The following GTF2I variants were observed in gnomAD, a reference collection of about 807,000 sequenced individuals.
GTF2I encodes the protein general transcription factor II-I.
Under a neutral mutation model 67.6 loss-of-function variants are expected in GTF2I, and 12 were observed. The observed-to-expected ratio is 0.18, with a 90% CI of 0.11 to 0.29. The LOEUF (loss-of-function observed/expected upper bound fraction) is 0.29, where lower values mean the gene tolerates loss of function less well. GTF2I is among the 10% of genes least tolerant of loss of function. GTF2I has a pLI of 1.00. For synonymous variants in GTF2I, 149 were observed against 197.0 expected (o/e 0.76, Z 2.04); for missense variants, 271 against 580.1 (o/e 0.47, Z 5.47).
chr7:74,725,347 T>C (rs1793616988), intron 12 of GTF2I, among the ~76,000 whole-genome samples: 1 of 152,176 alleles, frequency 6.6e-6, no homozygotes, highest in African/African-American at 2.4e-5. Context: ...AATAAGTTTA[T>C]GAAACAGGGT....
At chr7:74,704,268 T>A (rs917754953) in intron 6 of GTF2I, among the ~76,000 whole-genome samples, 2 of 144,310 alleles carry the variant, frequency 1.4e-5, no homozygotes, top group African/African-American at 5.1e-5. Flanking sequence ...TAATTATTAT[T>A]TTTATTTATT....
chr7:74,666,811 C>CAAAAAA (rs61609037), intron 1 of GTF2I, among the ~76,000 whole-genome samples: 22 of 129,154 alleles, frequency 1.7e-4, no homozygotes, highest in Non-Finnish European at 2.3e-4. Flanking sequence ...ACTAAAAATA[C>CAAAAAA]AAAAAAAAAA....
At chr7:74,696,521 C>T (rs1788929428) in intron 3 of GTF2I, among the ~76,000 whole-genome samples, 1 of 149,076 alleles carries the variant, frequency 6.7e-6, no homozygotes, top group South Asian at 2.1e-4. Flanking sequence ...GAGACGGAGT[C>T]TCGCTCTGTC....
intron 12 of GTF2I, among the ~76,000 whole-genome samples, chr7:74,724,553 G>C (rs1359371399): frequency 2.6e-5 from 4 of 152,188 alleles, no homozygotes; most frequent in Admixed American, 2.0e-4. Flanking sequence ...TTGCCAACTT[G>C]AAGGTATTGG....
At chr7:74,713,294 T>C (rs1198461806) in intron 9 of GTF2I, among the ~76,000 whole-genome samples, 1 of 152,196 alleles carries the variant, frequency 6.6e-6, no homozygotes, top group Non-Finnish European at 1.5e-5. Context: ...TTAGTTTGTA[T>C]GTGCCTAACT....
At chr7:74,712,940 C>A (rs1791801832) in intron 9 of GTF2I, among the ~76,000 whole-genome samples, 1 of 152,074 alleles carries the variant, frequency 6.6e-6, no homozygotes, top group African/African-American at 2.4e-5. Context: ...GGATATATTT[C>A]TCTGTGCACC....
In GTF2I at chr7:74,692,349, C is replaced by T. The variant is rs140253908; in HGVS notation, c.238+1238C>T. ...CCTCCCAAAGTGCTGGGATTACAGG[C>T]GTGAGCCACCACATCCGGCCGGGAG... On this transcript the variant is annotated intron_variant, in intron 3 of 34. Coordinates refer to ENST00000573035, the MANE Select transcript of GTF2I (RefSeq NM_032999.4). Among the ~76,000 whole-genome samples, 19 of 152,272 alleles carry T rather than the reference C, an allele frequency of 1.2e-4. No individual in the cohort carries two copies. In the East Asian group the frequency reaches 2.1e-3, roughly 17 times the overall value.
In GTF2I at chr7:74,710,940, G is replaced by A. The variant is rs1554402396; in HGVS notation, c.686-92G>A. On this transcript the variant is annotated intron_variant, in intron 8 of 34. Transcript: ENST00000573035. ...TCTTTACTTAAAATAAATATGCATT[G>A]CTGTATTTATAGGGAGGGCAGAGAG... is the stretch of plus-strand genomic sequence containing the variant. 20 of 619,808 alleles carry A rather than the reference G, an allele frequency of 3.2e-5. No homozygotes were observed. In the South Asian group the frequency reaches 4.0e-4, roughly 12 times the overall value. 38.4% of individuals were successfully genotyped at this position (619,808 alleles called of 1,614,324 possible). A position where few individuals can be genotyped will look rare whatever the true frequency, so the allele number is the denominator to read the frequency against.
chr7:74,713,540 A>G (rs1416556870), intron 9 of GTF2I, among the ~76,000 whole-genome samples: 2 of 152,200 alleles, frequency 1.3e-5, no homozygotes, highest in Non-Finnish European at 2.9e-5. Context: ...ATAAAAATTG[A>G]CTGTATACTT....
intron 3 of GTF2I, among the ~76,000 whole-genome samples, chr7:74,697,995 G>A (rs1469323200): frequency 6.6e-6 from 1 of 150,484 alleles, no homozygotes; most frequent in African/African-American, 2.4e-5. Flanking sequence ...TCACTCTGTC[G>A]CCCAGGCTGG....
chr7:74,702,737 CT>C (rs782239295), intron 6 of GTF2I, among the ~76,000 whole-genome samples: 335 of 141,862 alleles, frequency 2.4e-3, no homozygotes, highest in Middle Eastern at 3.6e-3. Context: ...TTCTTTCTTT[CT>C]TTTTTTTTTT....
At chr7:74,682,263 T>C (rs1787338005) in intron 1 of GTF2I, among the ~76,000 whole-genome samples, 1 of 152,260 alleles carries the variant, frequency 6.6e-6, no homozygotes, top group South Asian at 2.1e-4. Flanking sequence ...TTCCCAGAGT[T>C]GGTGAGGTTA....
chr7:74,669,903 A>G (rs1378567858), intron 1 of GTF2I, among the ~76,000 whole-genome samples: 16 of 152,190 alleles, frequency 1.1e-4, no homozygotes, highest in Admixed American at 9.8e-4. Flanking sequence ...GTGTTCATGC[A>G]CAAATGCCTT....
chr7:74,698,367 G>T (rs1032240198), intron 3 of GTF2I, among the ~76,000 whole-genome samples: 4 of 146,372 alleles, frequency 2.7e-5, no homozygotes, highest in African/African-American at 5.1e-5. Flanking sequence ...TGGGATTACA[G>T]GTGTGAGCCA....
intron 2 of GTF2I, among the ~76,000 whole-genome samples, chr7:74,690,761 A>G (rs1470502730): frequency 6.6e-6 from 1 of 151,778 alleles, no homozygotes; most frequent in Non-Finnish European, 1.5e-5. Context: ...TCAGTCTACT[A>G]CTTGGAGAAT....
intron 11 of GTF2I, among the ~76,000 whole-genome samples, chr7:74,718,068 A>G (rs1305309059): frequency 6.6e-6 from 1 of 152,212 alleles, no homozygotes; most frequent in Non-Finnish European, 1.5e-5. Flanking sequence ...ACGAGGGCTC[A>G]TTGGGCAGTA....
At chr7:74,716,590 C>T (rs963489296) in intron 10 of GTF2I, 118 of 254,136 alleles carry the variant, frequency 4.6e-4, no homozygotes, top group African/African-American at 1.9e-3. Flanking sequence ...CATAATTCTG[C>T]TTCCTCAGAT....
At chr7:74,696,259 G>A (rs774190671) in intron 3 of GTF2I, among the ~76,000 whole-genome samples, 6 of 152,050 alleles carry the variant, frequency 3.9e-5, no homozygotes, top group East Asian at 1.9e-4. Context: ...TAGGATTACC[G>A]GCGTGAGCCA....
At chr7:74,731,108 A>C (rs1375248860) in intron 14 of GTF2I, among the ~76,000 whole-genome samples, 5 of 151,984 alleles carry the variant, frequency 3.3e-5, no homozygotes, top group African/African-American at 1.2e-4. Flanking sequence ...TAATGATCAA[A>C]GAAATTCGCA....
Sources: gnomAD v4.1 joint callset for allele counts (sites outside exome capture counted in the v4.1 genomes callset) on GRCh38, gnomAD v4.1.1 for gene constraint, MANE v1.5 for transcripts, NCBI Gene and HGNC (gene_info 2026-07-23, HGNC 2026-07-21) for gene names.